Variants in PKHD1L1 observed in about 807,000 individuals in gnomAD.
PKHD1L1 encodes the protein PKHD1 like 1, also known as fibrocystin-L.
In PKHD1L1, 434 loss-of-function variants were observed where a neutral mutation model predicts 462.9. The observed-to-expected ratio is 0.94, with a 90% confidence interval of 0.87 to 1.02. The LOEUF (loss-of-function observed/expected upper bound fraction) is 1.02. PKHD1L1 is among the 50% of genes least tolerant of loss of function. The probability of loss-of-function intolerance (pLI) is 0.00; values close to 1 mark genes in which losing one functional copy is unlikely to be tolerated. For synonymous variants in PKHD1L1, 1,781 were observed against 1,750.0 expected, an observed-to-expected ratio of 1.02 and a Z score of -0.44; for missense variants, 5,202 against 5,096.1, an observed-to-expected ratio of 1.02 and a Z score of -0.63.
At chr8:109,452,998 C>A (rs1305547176) in intron 43 of PKHD1L1, 124 bp downstream of exon 43, 3 of 761,942 alleles carry the variant, frequency 3.9e-6, no homozygotes, top group Non-Finnish European at 5.5e-6. Flanking sequence ...ACAGTGTAGT[C>A]CTGGGCTTTC....
In PKHD1L1 at chr8:109,442,086, A is replaced by G; in HGVS notation, c.4284A>G (p.Thr1428=). 2 of 1,613,560 alleles carry G rather than the reference A, an allele frequency of 1.2e-6. No individual in the cohort carries two copies. The highest frequency in any genetic ancestry group is 1.7e-6 in the Non-Finnish European group (2 of 1,179,596). ...VGDTVAWHWQ[T]HPFLRGIGYR... ...ACACAGTGGCATGGCATTGGCAAAC[A>G]CATCCGTTTCTTAGAGGGATAGGAT... The change falls in exon 35 of 78, where the codon ACA becomes ACG. Residue 1428 remains threonine (T), a synonymous_variant. Coordinates refer to ENST00000378402, the MANE Select transcript of PKHD1L1 (RefSeq NM_177531.6).
Position 109,530,274 on chromosome 8 carries a change from G to T in PKHD1L1, c.*184G>T. 3.1e-6 allele frequency: 1 copy of T among 326,854 alleles called. No individual in the cohort carries two copies. 20.2% of individuals were successfully genotyped at this position (326,854 alleles called of 1,614,324 possible). ...TTTCTTCAAAATATAAATTTGTTTT[G>T]ATTCTTTATATTTATATGTTTTTAT... On this transcript the variant is annotated 3_prime_UTR_variant, in exon 78 of 78. Transcript: ENST00000378402.
Position 109,454,191 on chromosome 8 carries a change from C to T in PKHD1L1, c.6689C>T (p.Ala2230Val). 2 of 1,607,494 alleles carry T rather than the reference C, an allele frequency of 1.2e-6. No homozygotes were observed. Among genetic ancestry groups the T allele is most frequent in the Non-Finnish European group, 1.7e-6 (2 of 1,176,742 alleles). The change falls in exon 44 of 78, where the codon GCT becomes GTT. Residue 2230 changes from alanine (A) to valine (V), a missense_variant. Physicochemically the swap from Ala to Val is moderately conservative, Grantham distance 64. Around this residue, in one of 3 missense-constraint regions of PKHD1L1, gnomAD observed 4,497 missense variants for 4,336.8 expected, o/e 1.04. Transcript: ENST00000378402. ...IQGGTLIFDE[A>V]DIELQAENIL... ...GGTGGGACTCTAATATTTGATGAAG[C>T]TGACATTGAACTCCAGGCAGAAAAT...
chr8:109,382,336 A>G (rs1812166031), intron 3 of PKHD1L1, 127 bp from the exon 4 acceptor site: 1 of 627,508 alleles, frequency 1.6e-6, no homozygotes, highest in African/African-American at 1.9e-5. Context: ...TTAACTAGAC[A>G]TCAGTTACGA....
chr8:109,425,326 C>T, intron 24 of PKHD1L1, 94 bp downstream of exon 24: 1 of 802,804 alleles, frequency 1.2e-6, no homozygotes, highest in East Asian at 3.3e-5. Context: ...AGAATTACTA[C>T]TTATTGATAC....
At chr8:109,444,009 A>G (rs1245946431) in intron 37 of PKHD1L1, 107 bp downstream of exon 37, 5 of 929,138 alleles carry the variant, frequency 5.4e-6, no homozygotes, top group Non-Finnish European at 8.1e-6. Flanking sequence ...GAGCTATATC[A>G]CATACCATAC....
chr8:109,518,938 G>A (rs967906737), intron 73 of PKHD1L1, among the ~76,000 whole-genome samples: 2 of 152,114 alleles, frequency 1.3e-5, no homozygotes, highest in African/African-American at 4.8e-5. Context: ...AGTGGAAGGA[G>A]CCAGGAAGGA....
At chr8:109,384,021 A>G in intron 4 of PKHD1L1, 49 bp from the exon 5 acceptor site, 1 of 1,261,394 alleles carries the variant, frequency 7.9e-7, no homozygotes, top group Non-Finnish European at 1.2e-6. Flanking sequence ...TCACAAAACT[A>G]GAAACAAAAC....
At chr8:109,398,296 G>A (rs1426060480) in intron 11 of PKHD1L1, among the ~76,000 whole-genome samples, 163 bp from the exon 12 acceptor site, 1 of 152,084 alleles carries the variant, frequency 6.6e-6, no homozygotes, top group Non-Finnish European at 1.5e-5. Flanking sequence ...CAATTATTAT[G>A]TGAAAAGCTT....
At chr8:109,479,433 T>TA (rs869041432) in intron 53 of PKHD1L1, 118 bp from the exon 54 acceptor site, 69 of 584,344 alleles carry the variant, frequency 1.2e-4, no homozygotes, top group African/African-American at 8.5e-4. Context: ...AAAGCGTGCA[T>TA]TTTTTTTCTT....
chr8:109,382,529 C>T lies in PKHD1L1; in HGVS notation c.375C>T (p.Asn125=), dbSNP rs1282243619. 4 of 1,612,518 alleles carry T rather than the reference C, an allele frequency of 2.5e-6. No homozygotes were observed. Among genetic ancestry groups the T allele is most frequent in the Non-Finnish European group, 3.4e-6 (4 of 1,179,190 alleles). Reference sequence around the variant, plus strand: ...ACGGGGTTCCTGTTACGGAAAATAACACCTGCAAAGGTCACATCAACAGCT... The same window carrying T: ...ACGGGGTTCCTGTTACGGAAAATAATACCTGCAAAGGTCACATCAACAGCT... ...SVDGVPVTEN[N]TCKGHINSWE... is the part of the protein sequence containing the mutation. The change falls in exon 4 of 78, where the codon AAC becomes AAT. Residue 125 remains asparagine (N), a synonymous_variant. Transcript: ENST00000378402.
chr8:109,457,339 T>C (rs1816880898), intron 46 of PKHD1L1, among the ~76,000 whole-genome samples: 1 of 152,172 alleles, frequency 6.6e-6, no homozygotes, highest in Admixed American at 6.6e-5. Flanking sequence ...ATTTTAATTA[T>C]ATAATGGCAA....
In PKHD1L1 at chr8:109,382,548, A is replaced by C. The variant is rs973404514; in HGVS notation, c.394A>C (p.Asn132His). The C allele has an allele frequency of 1.2e-6, 2 of 1,611,676 alleles. No homozygotes were observed. Among genetic ancestry groups the C allele is most frequent in the African/African-American group, 2.7e-5 (2 of 74,786 alleles). ...TENNTCKGHI[N>H]SWECTFNAKS... The stretch of plus-strand genomic sequence containing the variant: ...AAATAACACCTGCAAAGGTCACATC[A>C]ACAGCTGGGAATGTACCTTCAACGT... The change falls in exon 4 of 78, where the codon AAC becomes CAC. Residue 132 changes from asparagine to histidine, a missense_variant. Asn to His is a moderately conservative substitution (Grantham distance 68). This residue lies in a region of PKHD1L1 where 4,497 missense variants were observed against 4,336.8 expected (regional missense o/e 1.04). Coordinates refer to ENST00000378402, the MANE Select transcript of PKHD1L1 (RefSeq NM_177531.6).
chr8:109,382,884 T>C (rs2130424160), intron 4 of PKHD1L1, among the ~76,000 whole-genome samples: 1 of 150,708 alleles, frequency 6.6e-6, no homozygotes, highest in East Asian at 1.9e-4. Context: ...CCTATTTTAA[T>C]CGAAGTAACT....
At position 109,498,397 on chromosome 8, in the gene PKHD1L1, G is replaced by A. The variant is rs555655409; in HGVS notation, c.10600-65G>A. The A allele has an allele frequency of 5.2e-5, 26 of 496,588 alleles. 7 individuals carry two copies. The highest frequency in any genetic ancestry group is 1.3e-4 in the African/African-American group (2 of 14,934). 30.8% of individuals were successfully genotyped at this position (496,588 alleles called of 1,614,324 possible). A position where few individuals can be genotyped will look rare whatever the true frequency, so the allele number is the denominator to read the frequency against. ...ATTACAGGCGTGAGCCACCGCGCCC[G>A]GCCCATGTTTTCTTTTAGTAAGAGC... On this transcript the variant is annotated intron_variant, in intron 65 of 77. Coordinates refer to ENST00000378402, the MANE Select transcript of PKHD1L1 (RefSeq NM_177531.6).
chr8:109,494,045 T>TA (rs1004143366), intron 63 of PKHD1L1, among the ~76,000 whole-genome samples: 5 of 151,946 alleles, frequency 3.3e-5, no homozygotes, highest in South Asian at 2.1e-4. Context: ...CCACCATTTT[T>TA]AAAAAAACGG....
chr8:109,438,772 C>T, intron 31 of PKHD1L1, 125 bp from the exon 32 acceptor site: 2 of 821,054 alleles, frequency 2.4e-6, no homozygotes, highest in South Asian at 4.3e-5. Context: ...TTTTGCCTCT[C>T]AAAGTGTTAG....
chr8:109,373,123 C>T lies in PKHD1L1; in HGVS notation c.164-8247C>T, dbSNP rs184880213. Among the ~76,000 whole-genome samples, 679 of 152,262 alleles carry T rather than the reference C, an allele frequency of 4.5e-3. 5 individuals carry two copies. The highest frequency in any genetic ancestry group is 0.015 in the African/African-American group (633 of 41,534). ...CCTCTGGTAGAATTCGGCTGTGAAT[C>T]CATCTGGTCCTGGACTTTTTTTGGT... is the stretch of plus-strand genomic sequence containing the variant. On this transcript the variant is annotated intron_variant, in intron 2 of 77. Coordinates refer to ENST00000378402, the MANE Select transcript of PKHD1L1 (RefSeq NM_177531.6).
At position 109,432,657 on chromosome 8, in the gene PKHD1L1, T is replaced by C. The variant is rs1815176905; in HGVS notation, c.3230-449T>C. On this transcript the variant is annotated intron_variant, in intron 27 of 77. Coordinates refer to ENST00000378402, the MANE Select transcript of PKHD1L1 (RefSeq NM_177531.6). ...ACTGTCCCAGGCACTTTGAGATGTG[T>C]ATCACCATAAACAGAAGAATCTTAT... 2.0e-5 allele frequency among the ~76,000 whole-genome samples: 3 copies of C among 152,166 alleles called. No homozygotes were observed. The East Asian group carries it at 5.8e-4, about 29-fold the overall frequency.
Sources: allele counts gnomAD v4.1 joint callset (sites outside exome capture counted in the v4.1 genomes callset), GRCh38; gene constraint gnomAD v4.1.1; regional missense constraint gnomAD v4.1.1; transcripts MANE v1.5; gene names NCBI Gene and HGNC (gene_info 2026-07-23, HGNC 2026-07-21).